The following ULK1 variants were observed in gnomAD, a reference collection of about 807,000 sequenced individuals.
ULK1 encodes unc-51 like autophagy activating kinase 1.
Under a neutral mutation model 117.5 loss-of-function variants are expected in ULK1, and 48 were observed. The observed-to-expected ratio is 0.41, with a 90% confidence interval of 0.32 to 0.52. ULK1 has a LOEUF of 0.52. Ranked by LOEUF, ULK1 falls within the 20% of genes least tolerant of loss-of-function variation. The pLI, the probability that ULK1 is intolerant of heterozygous loss-of-function variation, is 0.29. For missense variants in ULK1, 1,387 were observed against 1,473.4 expected, an observed-to-expected ratio of 0.94 and a Z score of 0.96; for synonymous variants, 790 against 637.8, an observed-to-expected ratio of 1.24 and a Z score of -3.60.
At chr12:131,907,362 C>G in intron 4 of ULK1, 133 bp from the exon 5 acceptor site, 2 of 1,142,676 alleles carry the variant, frequency 1.8e-6, no homozygotes, top group Non-Finnish European at 2.5e-6. Context: ...TGTGGGGACA[C>G]CTGCCCTGGG....
intron 13 of ULK1, 112 bp downstream of exon 13, chr12:131,912,201 T>G: frequency 6.9e-7 from 1 of 1,438,960 alleles, no homozygotes; most frequent in Non-Finnish European, 9.2e-7. Context: ...GCAGTTAGGA[T>G]GGGCCCCTGG....
rs769737179 is a variant in ULK1 at position 131,916,082 on chromosome 12, A to T, written c.1801A>T (p.Asn601Tyr). 3 of 1,612,262 alleles carry T rather than the reference A, an allele frequency of 1.9e-6. No homozygotes were observed. Among genetic ancestry groups the T allele is most frequent in the Non-Finnish European group, 2.5e-6 (3 of 1,179,818 alleles). Residue 601 changes from asparagine to tyrosine, a missense_variant, in exon 19 of 28, where the codon AAC becomes TAC. By Grantham distance (143) the Asn-to-Tyr change is moderately radical (BLOSUM62 -2). Around this residue, in one of 4 missense-constraint regions of ULK1, gnomAD observed 900 missense variants for 858.9 expected, o/e 1.05. Transcript: ENST00000321867. Reference sequence around the variant, plus strand: ...GTCCCACGGCCTGCAGTCCTGCCGGAACCTGCGGGGCTCACCCAAGCTGCC... The same window carrying T: ...GTCCCACGGCCTGCAGTCCTGCCGGTACCTGCGGGGCTCACCCAAGCTGCC... ...QPSHGLQSCRNLRGSPKLPDF... is the reference protein window; with the variant it reads ...QPSHGLQSCRYLRGSPKLPDF...
chr12:131,912,648 A>G (rs568619921), intron 13 of ULK1, among the ~76,000 whole-genome samples: 3 of 152,286 alleles, frequency 2.0e-5, no homozygotes, highest in African/African-American at 7.2e-5. Flanking sequence ...CAGGGACACA[A>G]TGACTCATGC....
chr12:131,919,701 AGGTGCAGAGGCCCCGG>A (rs900742613), intron 25 of ULK1, 111 bp downstream of exon 25: 8 of 1,299,466 alleles, frequency 6.2e-6, no homozygotes, highest in Non-Finnish European at 8.6e-6. Flanking sequence ...CCCTGTGCAG[AGGTGCAGAGGCCCCGG>A]GGCCTGGCCC....
At position 131,917,490 on chromosome 12, in the gene ULK1, C is replaced by A; in HGVS notation, c.2262C>A (p.Phe754Leu). 6.7e-7 allele frequency: 1 copy of A among 1,499,098 alleles called. No individual in the cohort carries two copies. Among genetic ancestry groups the A allele is most frequent in the Non-Finnish European group, 8.9e-7 (1 of 1,122,700 alleles). The allele number at this position is 1,499,098 out of a possible 1,614,324, so 92.9% of individuals were successfully genotyped here. The change falls in exon 22 of 28, where the codon TTC becomes TTA. Residue 754 changes from phenylalanine to leucine, a missense_variant. Phe to Leu is a conservative substitution (Grantham distance 22). This residue lies in a region of ULK1 where 900 missense variants were observed against 858.9 expected (regional missense o/e 1.05). Transcript: ENST00000321867. ...CCAGCAGCCCTTCCCCGGTGGTCTT[C>A]ACCGTGGGCTCTCCCCCGAGCGGGA... is the stretch of plus-strand genomic sequence containing the variant. ...GGTSSPSPVV[F>L]TVGSPPSGST...
Position 131,921,591 on chromosome 12 carries a change from CA to C in ULK1, c.*231del. On this transcript the variant is annotated 3_prime_UTR_variant, in exon 28 of 28. Coordinates refer to ENST00000321867, the MANE Select transcript of ULK1 (RefSeq NM_003565.4). The stretch of plus-strand genomic sequence containing the variant: ...TCTCCCATCTTTTACAGGTGGGGAT[CA>C]CAGAATTTCTGCCCCTCCAGCTGCC... 1.5e-6 allele frequency: 1 copy of C among 664,798 alleles called. No homozygotes were observed. The highest frequency in any genetic ancestry group is 1.9e-5 in the South Asian group (1 of 53,638). The allele number at this position is 664,798 out of a possible 1,614,324, so 41.2% of individuals were successfully genotyped here.
intron 22 of ULK1, chr12:131,918,169 A>G (rs1040713899): frequency 2.8e-5 from 12 of 429,710 alleles, no homozygotes; most frequent in Non-Finnish European, 4.6e-5. Context: ...CAAGCCACGC[A>G]CCTACCCCAT....
At chr12:131,908,417 G>C (rs879760224) in intron 5 of ULK1, among the ~76,000 whole-genome samples, 1 of 152,246 alleles carries the variant, frequency 6.6e-6, no homozygotes, top group Non-Finnish European at 1.5e-5. Context: ...CTGCAGCCCG[G>C]GGCTGAGTGG....
Position 131,910,279 on chromosome 12 carries a change from C to T in ULK1, c.834C>T (p.Leu278=), listed in dbSNP as rs747581505. 2.9e-5 allele frequency: 47 copies of T among 1,613,694 alleles called. No individual in the cohort carries two copies. The highest frequency in any genetic ancestry group is 3.8e-5 in the Non-Finnish European group (45 of 1,179,990). The change falls in exon 11 of 28, where the codon CTC becomes CTT. Residue 278 remains leucine, a synonymous_variant. Coordinates refer to ENST00000321867, the MANE Select transcript of ULK1 (RefSeq NM_003565.4). ...DFDEFFHHPF[L]DASPSVRKSP... ...ATGAGTTTTTTCATCACCCTTTCCT[C>T]GATGCCAGCCCCTCGGTCAGGAAAT...
intron 3 of ULK1, among the ~76,000 whole-genome samples, chr12:131,899,987 C>T (rs185653120): frequency 1.3e-5 from 2 of 152,102 alleles, no homozygotes; most frequent in East Asian, 1.9e-4. Flanking sequence ...CGTGGTGGCC[C>T]GTGCCTGTAG....
rs897866967 is a variant in ULK1, at chr12:131,910,871, C to G, written c.948+71C>G. 5 of 1,592,604 alleles carry G rather than the reference C, an allele frequency of 3.1e-6. No individual in the cohort carries two copies. In the East Asian group the frequency reaches 1.1e-4, roughly 36 times the overall value. On this transcript the variant is annotated intron_variant, in intron 12 of 27. Transcript: ENST00000321867. The stretch of plus-strand genomic sequence containing the variant: ...CAGTCAGGGGCTCCAGCCCTGGGCC[C>G]CCGCGGGGACGTGCTGTGACTTCTG...
chr12:131,910,201 C>T, intron 10 of ULK1, 53 bp from the exon 11 acceptor site: 2 of 1,609,388 alleles, frequency 1.2e-6, no homozygotes, highest in Non-Finnish European at 1.7e-6. Context: ...AGGCAGGGGC[C>T]TGGGGTCAGA....
At position 131,914,528 on chromosome 12, in the gene ULK1, A is replaced by G; in HGVS notation, c.1373+51A>G. On this transcript the variant is annotated intron_variant, in intron 16 of 27. Coordinates refer to ENST00000321867, the MANE Select transcript of ULK1 (RefSeq NM_003565.4). ...AGGCGTGGCTGGGGCCTTGTGTGGC[A>G]GGAGCCCTTCCACGGCTCCCATAGA... 5 of 1,580,874 alleles carry G rather than the reference A, an allele frequency of 3.2e-6. No homozygotes were observed. In the East Asian group the frequency reaches 9.2e-5, roughly 29 times the overall value.
chr12:131,912,669 G>A (rs75044389), intron 13 of ULK1, among the ~76,000 whole-genome samples: 15,730 of 152,268 alleles, frequency 0.1, 1,447 homozygotes, highest in East Asian at 0.54. Flanking sequence ...CGAGCCCTCC[G>A]CCTCTCCCAT....
Position 131,916,781 on chromosome 12 carries a change from C to T in ULK1, c.2073-172C>T, listed in dbSNP as rs573552286. ...TGGCCCTAGACCCACAGCAGGTCCC[C>T]GTCCTGAGCCTCGCCATGCCCGCCT... On this transcript the variant is annotated intron_variant, in intron 20 of 27. Coordinates refer to ENST00000321867, the MANE Select transcript of ULK1 (RefSeq NM_003565.4). Among the ~76,000 whole-genome samples, 467 of 152,264 alleles carry T rather than the reference C, an allele frequency of 3.1e-3. 3 individuals are homozygous for T. The highest frequency in any genetic ancestry group is 0.01 in the Middle Eastern group (3 of 294).
chr12:131,906,712 C>G, intron 3 of ULK1, 180 bp from the exon 4 acceptor site: 2 of 719,122 alleles, frequency 2.8e-6, no homozygotes, highest in Non-Finnish European at 4.8e-6. Flanking sequence ...GGCCACAAAA[C>G]AGAACACACC....
chr12:131,919,854 CG>C (rs1890071307), intron 25 of ULK1, 124 bp from the exon 26 acceptor site: 1 of 1,407,470 alleles, frequency 7.1e-7, no homozygotes, highest in African/African-American at 1.4e-5. Context: ...CTCAAGGCCA[CG>C]GGGAGCCAGG....
Position 131,921,463 on chromosome 12 carries a change from G to C in ULK1, c.*102G>C. ...GACAAGCCCATGGCGCTGATCGCTG[G>C]TGCTGAGCCCTGCCCTGGGCCCCAC... is the stretch of plus-strand genomic sequence containing the variant. On this transcript the variant is annotated 3_prime_UTR_variant, in exon 28 of 28. Coordinates refer to ENST00000321867, the MANE Select transcript of ULK1 (RefSeq NM_003565.4). 6.4e-7 allele frequency: 1 copy of C among 1,550,642 alleles called. No individual in the cohort carries two copies. Among genetic ancestry groups the C allele is most frequent in the Non-Finnish European group, 8.8e-7 (1 of 1,140,616 alleles).
At chr12:131,909,051 C>T (rs1344424863) in intron 7 of ULK1, 80 bp downstream of exon 7, 2 of 1,609,926 alleles carry the variant, frequency 1.2e-6, no homozygotes, top group Non-Finnish European at 1.7e-6. Flanking sequence ...GTGGTGCGCT[C>T]TGCTCTGGTT....
Sources: gnomAD v4.1 joint callset for allele counts (sites outside exome capture counted in the v4.1 genomes callset) on GRCh38, gnomAD v4.1.1 for gene constraint, gnomAD v4.1.1 regional missense constraint, MANE v1.5 for transcripts, NCBI Gene and HGNC (gene_info 2026-07-23, HGNC 2026-07-21) for gene names.